SMG6: variants seen among roughly 807,000 people sequenced by gnomAD.
The protein encoded by SMG6 is telomerase-binding protein EST1A.
In SMG6, 66 loss-of-function variants were observed where a neutral mutation model predicts 142.2. The observed-to-expected ratio is 0.46, with a 90% confidence interval of 0.38 to 0.57. The LOEUF (loss-of-function observed/expected upper bound fraction) is 0.57. Ranked by LOEUF, SMG6 falls within the 20% of genes least tolerant of loss-of-function variation. The probability of loss-of-function intolerance (pLI) is 0.00; values close to 1 mark genes in which losing one functional copy is unlikely to be tolerated. For synonymous variants in SMG6, 779 were observed against 702.4 expected (o/e 1.11, Z -1.72); for missense variants, 1,793 against 1,832.0 (o/e 0.98, Z 0.39).
chr17:2,133,137 C>T (rs1038529916), intron 13 of SMG6, among the ~76,000 whole-genome samples: 3 of 151,968 alleles, frequency 2.0e-5, no homozygotes, highest in Admixed American at 6.6e-5. Context: ...CCCAGATACT[C>T]GGGAGGCTGA....
At chr17:2,232,293 C>T (rs1015605228) in intron 10 of SMG6, among the ~76,000 whole-genome samples, 7 of 152,072 alleles carry the variant, frequency 4.6e-5, no homozygotes, top group South Asian at 2.1e-4. Context: ...GGTCACCCTC[C>T]GGCACCACGT....
At chr17:2,283,602 G>A in intron 7 of SMG6, 23 bp downstream of exon 7, 1 of 1,569,998 alleles carries the variant, frequency 6.4e-7, no homozygotes, top group Non-Finnish European at 8.8e-7. Flanking sequence ...AGGAAGGAAG[G>A]GTTCTGCCAC....
At chr17:2,098,041 T>C (rs2068903779) in intron 13 of SMG6, among the ~76,000 whole-genome samples, 2 of 152,008 alleles carry the variant, frequency 1.3e-5, no homozygotes, top group South Asian at 2.1e-4. Flanking sequence ...CAGGCTGGAG[T>C]ACAGTGACGA....
chr17:2,237,527 C>T (rs1368429944), intron 9 of SMG6: 2 of 985,370 alleles, frequency 2.0e-6, no homozygotes, highest in Admixed American at 6.1e-5. Flanking sequence ...CTCAGTTCTT[C>T]GTGTGTTGCC....
intron 10 of SMG6, among the ~76,000 whole-genome samples, chr17:2,198,450 T>C (rs1263495965): frequency 6.6e-6 from 1 of 152,106 alleles, no homozygotes; most frequent in Admixed American, 6.5e-5. Flanking sequence ...ACATGTGTGA[T>C]AAAATTGCAC....
chr17:2,208,164 A>G lies in SMG6; in HGVS notation c.2870-19649T>C, dbSNP rs1013845382. On this transcript the variant is annotated intron_variant, in intron 10 of 18. Transcript: ENST00000263073. ...ATAAATAAATAAAGGGTCCCACATCAAAAGATGGTGAATGACCACAGTCAA... is the reference window on the plus strand; with the variant it reads ...ATAAATAAATAAAGGGTCCCACATCGAAAGATGGTGAATGACCACAGTCAA... 5.9e-5 allele frequency among the ~76,000 whole-genome samples: 9 copies of G among 152,264 alleles called. No individual in the cohort carries two copies. In the South Asian group the frequency reaches 1.5e-3, roughly 25 times the overall value.
chr17:2,212,570 A>G (rs1224467743), intron 10 of SMG6: 1 of 152,322 alleles, frequency 6.6e-6, no homozygotes, highest in East Asian at 1.9e-4. Flanking sequence ...AAACAGTAAT[A>G]CCAGGTTCAG....
intron 8 of SMG6, among the ~76,000 whole-genome samples, chr17:2,263,185 A>G (rs987196084): frequency 2.0e-5 from 3 of 152,236 alleles, no homozygotes; most frequent in Non-Finnish European, 4.4e-5. Flanking sequence ...TTAAAAATTC[A>G]CAAATTTGCT....
chr17:2,159,867 G>A (rs763173673), intron 13 of SMG6, among the ~76,000 whole-genome samples: 40 of 152,278 alleles, frequency 2.6e-4, no homozygotes, highest in South Asian at 6.2e-4. Flanking sequence ...GCCCAATATG[G>A]ATGAATCTCA....
Position 2,228,327 on chromosome 17 carries a change from C to T in SMG6, c.2869+8165G>A, listed in dbSNP as rs576046919. On this transcript the variant is annotated intron_variant, in intron 10 of 18. Coordinates refer to ENST00000263073, the MANE Select transcript of SMG6 (RefSeq NM_017575.5). ...CACTGCAACCTCCACTCCCCAGGTT[C>T]AAGCGATTCTCCTGCCTCAGCCTCC... 3.5e-4 allele frequency among the ~76,000 whole-genome samples: 54 copies of T among 152,292 alleles called. No homozygotes were observed. In the South Asian group the frequency reaches 8.5e-3, roughly 24 times the overall value.
chr17:2,099,002 T>C (rs1367749198), intron 13 of SMG6, among the ~76,000 whole-genome samples: 1 of 152,146 alleles, frequency 6.6e-6, no homozygotes, highest in Non-Finnish European at 1.5e-5. Flanking sequence ...TCTGTCGTGT[T>C]TTTTTCTCCT....
chr17:2,234,732 G>C (rs1340939811), intron 10 of SMG6, among the ~76,000 whole-genome samples: 2 of 151,124 alleles, frequency 1.3e-5, no homozygotes, highest in African/African-American at 4.9e-5. Flanking sequence ...ATTTGAGATG[G>C]AGTCTCACTC....
chr17:2,088,161 C>G (rs757362264), intron 13 of SMG6: 1 of 985,442 alleles, frequency 1.0e-6, no homozygotes, highest in South Asian at 4.7e-5. Flanking sequence ...GAGTGTGCCA[C>G]GGACACATGC....
At chr17:2,261,431 T>G (rs1406358256) in intron 8 of SMG6, among the ~76,000 whole-genome samples, 1 of 152,242 alleles carries the variant, frequency 6.6e-6, no homozygotes, top group African/African-American at 2.4e-5. Flanking sequence ...ATGTGCACTT[T>G]TCTGTGTATA....
rs771039970 is a variant in SMG6, at chr17:2,299,393, G to C, written c.1360C>G (p.Arg454Gly). 3 of 1,613,792 alleles carry C rather than the reference G, an allele frequency of 1.9e-6. No homozygotes were observed. The highest frequency in any genetic ancestry group is 2.2e-5 in the East Asian group (1 of 44,868). Residue 454 changes from arginine to glycine, a missense_variant, in exon 2 of 19, where the codon CGA becomes GGA. By Grantham distance (125) the Arg-to-Gly change is moderately radical. Coordinates refer to ENST00000263073, the MANE Select transcript of SMG6 (RefSeq NM_017575.5). The surrounding 1 kb of genome is among the most constrained non-coding windows in gnomAD (Gnocchi z 4.3). The part of the protein sequence containing the change: ...RSWGRGGTTR[R>G]LWDPNNPDQK... The stretch of plus-strand genomic sequence containing the variant: ...TCAGGATTGTTTGGGTCCCACAATC[G>C]GCGTGTGGTGCCTCCACGGCCCCAA...
At chr17:2,245,753 T>C (rs138893328) in intron 8 of SMG6, among the ~76,000 whole-genome samples, 3,017 of 152,304 alleles carry the variant, frequency 0.02, 117 homozygotes, top group African/African-American at 0.068. Context: ...TGATCACAGC[T>C]CACTGCAACC....
intron 13 of SMG6, among the ~76,000 whole-genome samples, chr17:2,166,025 G>A (rs1331475380): frequency 6.6e-6 from 1 of 152,004 alleles, no homozygotes; most frequent in Non-Finnish European, 1.5e-5. Flanking sequence ...CAGCCTGGCC[G>A]ACATAGCAAA....
intron 10 of SMG6, among the ~76,000 whole-genome samples, chr17:2,193,825 A>G (rs1318929519): frequency 6.6e-6 from 1 of 152,244 alleles, no homozygotes; most frequent in African/African-American, 2.4e-5. Context: ...AGAAGGTTTC[A>G]TGGTAGAGAC....
intron 8 of SMG6, among the ~76,000 whole-genome samples, chr17:2,253,532 A>G (rs962310692): frequency 6.6e-6 from 1 of 152,154 alleles, no homozygotes; most frequent in African/African-American, 2.4e-5. Context: ...CAGAGCTACC[A>G]CACACGTGTA....
Sources: allele counts gnomAD v4.1 joint callset (sites outside exome capture counted in the v4.1 genomes callset), GRCh38; gene constraint gnomAD v4.1.1; non-coding constraint Gnocchi (gnomAD v3.1); transcripts MANE v1.5; gene names NCBI Gene and HGNC (gene_info 2026-07-23, HGNC 2026-07-21).